The following NAV2 variants were observed in gnomAD, a reference collection of about 807,000 sequenced individuals.
NAV2 encodes neuron navigator 2.
In NAV2, 54 loss-of-function variants were observed where a neutral mutation model predicts 223.2. The observed-to-expected ratio is 0.24, with a 90% CI of 0.19 to 0.30. The LOEUF (loss-of-function observed/expected upper bound fraction) is 0.30, where lower values mean the gene tolerates loss of function less well. Among genes scored for constraint, NAV2 ranks in the 10% least tolerant of loss-of-function variants. NAV2 has a pLI of 1.00. For synonymous variants in NAV2, 1,279 were observed against 1,239.3 expected, an observed-to-expected ratio of 1.03 and a Z score of -0.67; for missense variants, 2,806 against 3,147.5, an observed-to-expected ratio of 0.89 and a Z score of 2.60.
chr11:19,966,426 C>T (rs1469250998), intron 10 of NAV2, among the ~76,000 whole-genome samples: 3 of 152,116 alleles, frequency 2.0e-5, no homozygotes, highest in Non-Finnish European at 4.4e-5. Context: ...ATCATGGGCC[C>T]TCCTTTTGCA....
At position 19,832,542 on chromosome 11, in the gene NAV2, G is replaced by A. The variant is rs6483617; in HGVS notation, c.326G>A (p.Arg109Lys). ...AAATCCGGCCACAAGCGTCTCATCA[G>A]GGATCTCCAGCAAGATGTGACAGAT... is the stretch of plus-strand genomic sequence containing the variant. ...LAKSGHKRLI[R>K]DLQQDVTDGV... The change falls in exon 2 of 38, where the codon AGG (arginine) becomes AAG (lysine). Residue 109 changes from arginine (R) to lysine (K), a missense_variant. Arg to Lys is a conservative substitution (Grantham distance 26). This residue lies in a region of NAV2 where 1,167 missense variants were observed against 1,180.5 expected (regional missense o/e 0.99). Transcript: ENST00000349880. The A allele has an allele frequency of 0.33, 532,696 of 1,613,540 alleles. 93,706 individuals carry two copies. The highest frequency in any genetic ancestry group is 0.66 in the African/African-American group (49,074 of 74,904).
intron 1 of NAV2, among the ~76,000 whole-genome samples, chr11:19,674,558 A>T (rs1351691452): frequency 6.6e-6 from 1 of 152,198 alleles, no homozygotes; most frequent in Non-Finnish European, 1.5e-5. Context: ...GGCCAGGCTT[A>T]CCTCCTTCAA....
At chr11:19,762,119 T>G (rs1443093787) in intron 1 of NAV2, among the ~76,000 whole-genome samples, 1 of 152,214 alleles carries the variant, frequency 6.6e-6, no homozygotes, top group African/African-American at 2.4e-5. Context: ...GGCACGTCCC[T>G]GTAATCCCAG....
Position 19,713,104 on chromosome 11 carries a change from G to A in NAV2, c.-592G>A, listed in dbSNP as rs1209119134. On this transcript the variant is annotated 5_prime_UTR_variant, in exon 1 of 38. Coordinates refer to ENST00000349880, the MANE Select transcript of NAV2 (RefSeq NM_145117.5). The surrounding 1 kb of genome is among the most constrained non-coding windows in gnomAD (Gnocchi z 7.2). The stretch of plus-strand genomic sequence containing the variant: ...CTTGCCGCACCTCTGCTGCGTCGCG[G>A]GTGACACTGCGGTGCTCGCGAGCAG... Among the ~76,000 whole-genome samples, 1 of 152,060 alleles carries A rather than the reference G, an allele frequency of 6.6e-6. No individual in the cohort carries two copies. Among genetic ancestry groups the A allele is most frequent in the Non-Finnish European group, 1.5e-5 (1 of 67,990 alleles).
Position 20,049,960 on chromosome 11 carries a change from G to A in NAV2, c.4436+59G>A, listed in dbSNP as rs376884934. ...CTCTAGGTTCTTCTGCCCATTCGTTGTCAAGCCAGATGTCTTGTGCGAGGC... is the reference window on the plus strand; with the variant it reads ...CTCTAGGTTCTTCTGCCCATTCGTTATCAAGCCAGATGTCTTGTGCGAGGC... On this transcript the variant is annotated intron_variant, in intron 16 of 37. Transcript: ENST00000349880. The A allele has an allele frequency of 2.6e-6, 4 of 1,543,268 alleles. No homozygotes were observed. The African/African-American group carries it at 4.1e-5, about 16-fold the overall frequency.
intron 1 of NAV2, among the ~76,000 whole-genome samples, chr11:19,436,937 G>C (rs1428861654): frequency 1.3e-5 from 2 of 152,072 alleles, no homozygotes; most frequent in African/African-American, 4.8e-5. Context: ...TTTATATCCT[G>C]TAACTTTACT....
At chr11:19,524,747 G>A (rs1479831933) in intron 1 of NAV2, among the ~76,000 whole-genome samples, 1 of 152,178 alleles carries the variant, frequency 6.6e-6, no homozygotes, top group Non-Finnish European at 1.5e-5. Flanking sequence ...GGAAGTCCCA[G>A]CACCCCACTC....
At chr11:19,639,109 C>T (rs1310021110) in intron 1 of NAV2, among the ~76,000 whole-genome samples, 1 of 152,168 alleles carries the variant, frequency 6.6e-6, no homozygotes, top group South Asian at 2.1e-4. Context: ...AAGATTGGCC[C>T]TTGACTAGCA....
At chr11:19,387,225 A>G (rs1849077948) in intron 1 of NAV2, among the ~76,000 whole-genome samples, 1 of 152,152 alleles carries the variant, frequency 6.6e-6, no homozygotes, top group African/African-American at 2.4e-5. Context: ...AGCCTCTGTG[A>G]TCCCAATCAG....
At chr11:20,015,059 G>A (rs1203362514) in intron 11 of NAV2, among the ~76,000 whole-genome samples, 1 of 152,244 alleles carries the variant, frequency 6.6e-6, no homozygotes, top group African/African-American at 2.4e-5. Context: ...TTGTGTCACT[G>A]CACTCCTGCT....
rs773730868 is a variant in NAV2 at position 19,908,076 on chromosome 11, C to A, written c.931+15482C>A. Among the ~76,000 whole-genome samples the A allele has an allele frequency of 2.0e-5, 3 of 152,286 alleles. No individual in the cohort carries two copies. In the South Asian group the frequency reaches 6.2e-4, roughly 32 times the overall value. On this transcript the variant is annotated intron_variant, in intron 6 of 37. Transcript: ENST00000349880. Reference sequence around the variant, plus strand: ...CATTAGCACTTATGATCTTGGCAACCGGAATGGCCACTGCTGGCCGGAAAC... The same window carrying A: ...CATTAGCACTTATGATCTTGGCAACAGGAATGGCCACTGCTGGCCGGAAAC...
At chr11:19,801,703 A>T (rs562201622) in intron 1 of NAV2, among the ~76,000 whole-genome samples, 5 of 152,206 alleles carry the variant, frequency 3.3e-5, no homozygotes, top group African/African-American at 7.2e-5. Flanking sequence ...AAAGAAGGGC[A>T]GTCTCTGGCT....
chr11:19,369,157 G>T (rs1848387688), intron 1 of NAV2, among the ~76,000 whole-genome samples: 1 of 152,166 alleles, frequency 6.6e-6, no homozygotes, highest in Admixed American at 6.5e-5. Flanking sequence ...GTTTCAGCAG[G>T]ATGTAATTAT....
intron 2 of NAV2, among the ~76,000 whole-genome samples, chr11:19,838,592 A>G (rs902792416): frequency 4.6e-5 from 7 of 152,128 alleles, no homozygotes; most frequent in African/African-American, 1.7e-4. Flanking sequence ...GTAACATCTG[A>G]TGTGTAACTT....
intron 1 of NAV2, among the ~76,000 whole-genome samples, chr11:19,788,439 G>A (rs918376491): frequency 7.2e-5 from 11 of 152,106 alleles, no homozygotes; most frequent in East Asian, 1.9e-4. Flanking sequence ...AAATGCTTCC[G>A]TTTGAGCCTC....
intron 1 of NAV2, among the ~76,000 whole-genome samples, chr11:19,675,208 C>A (rs367680761): frequency 6.6e-6 from 1 of 152,198 alleles, no homozygotes; most frequent in East Asian, 1.9e-4. Flanking sequence ...CTAGCTCTCC[C>A]TGACTCTACG....
At chr11:19,486,195 G>A (rs1054875255) in intron 1 of NAV2, among the ~76,000 whole-genome samples, 3 of 152,168 alleles carry the variant, frequency 2.0e-5, no homozygotes, top group Admixed American at 6.5e-5. Context: ...GGTGGTAGCA[G>A]AGTAGCTGTG....
chr11:19,721,464 T>C (rs941281579), intron 1 of NAV2, among the ~76,000 whole-genome samples: 11 of 152,194 alleles, frequency 7.2e-5, no homozygotes, highest in African/African-American at 2.4e-4. Context: ...AGGAATTTGA[T>C]TCAAAATCAC....
At chr11:20,043,371 C>T (rs982162164) in intron 12 of NAV2, among the ~76,000 whole-genome samples, 1 of 152,142 alleles carries the variant, frequency 6.6e-6, no homozygotes, top group Admixed American at 6.5e-5. Context: ...CTGCTCTGCC[C>T]CTTCCCCTCG....
Sources: gnomAD v4.1 joint callset for allele counts (sites outside exome capture counted in the v4.1 genomes callset) on GRCh38, gnomAD v4.1.1 for gene constraint, gnomAD v4.1.1 regional missense constraint, Gnocchi (gnomAD v3.1) non-coding constraint, MANE v1.5 for transcripts, NCBI Gene and HGNC (gene_info 2026-07-23, HGNC 2026-07-21) for gene names.